The following GALNT16 variants were observed in gnomAD, a reference collection of about 807,000 sequenced individuals.
GALNT16 encodes polypeptide N-acetylgalactosaminyltransferase 16, also known as UDP-GalNAc:polypeptide N-acetylgalactosaminyltransferase-like protein 1.
Under a neutral mutation model 76.1 loss-of-function variants are expected in GALNT16, and 40 were observed. The ratio of observed to expected loss-of-function variants is 0.53; its 90% CI spans 0.41 to 0.68. GALNT16 has a LOEUF of 0.68. GALNT16 is among the 30% of genes least tolerant of loss of function. The pLI, the probability that GALNT16 is intolerant of heterozygous loss-of-function variation, is 0.00. For synonymous variants in GALNT16, 276 were observed against 285.2 expected (o/e 0.97, Z 0.32); for missense variants, 621 against 731.9 (o/e 0.85, Z 1.75).
At chr14:69,338,430 A>T (rs2045441072) in intron 9 of GALNT16, among the ~76,000 whole-genome samples, 1 of 152,056 alleles carries the variant, frequency 6.6e-6, no homozygotes, top group Non-Finnish European at 1.5e-5. Flanking sequence ...GGCCACGGGG[A>T]TCATGTGTAT....
chr14:69,362,061 A>G, the GALNT16 span, among the ~76,000 whole-genome samples: 2 of 152,206 alleles, frequency 1.3e-5, no homozygotes, highest in Admixed American at 6.5e-5. Flanking sequence ...AGCACAGGAC[A>G]TGGTAGATCC....
the GALNT16 span, among the ~76,000 whole-genome samples, chr14:69,386,110 T>C: frequency 6.6e-6 from 1 of 152,190 alleles, no homozygotes; most frequent in African/African-American, 2.4e-5. Flanking sequence ...CAAAGTGAAA[T>C]GGCTACAACC....
intron 1 of GALNT16, among the ~76,000 whole-genome samples, chr14:69,280,692 A>G (rs1286512905): frequency 6.6e-6 from 1 of 152,184 alleles, no homozygotes; most frequent in Admixed American, 6.5e-5. Flanking sequence ...TAGAAAGTAT[A>G]CAATGAACAT....
In GALNT16 at chr14:69,322,981, T is replaced by TGTGTGTGC. The variant is rs1196943800; in HGVS notation, c.336-1710_336-1709insTGTGTGCG. 2.4e-3 allele frequency among the ~76,000 whole-genome samples: 68 copies of TGTGTGTGC among 28,348 alleles called. 1 individual carries two copies. Among genetic ancestry groups the TGTGTGTGC allele is most frequent in the South Asian group, 7.7e-3 (5 of 652 alleles). 18.6% of individuals were successfully genotyped at this position (28,348 alleles called of 152,430 possible). Reference sequence around the variant, plus strand: ...GTGTGTGTGTGTGTGTGTGTGTGTGTGCGCGCGCACGCGCGCACGCATGCA... The same window carrying TGTGTGTGC: ...GTGTGTGTGTGTGTGTGTGTGTGTGTGTGTGTGCGCGCGCGCACGCGCGCACGCATGCA... On this transcript the variant is annotated intron_variant, in intron 2 of 14. Coordinates refer to ENST00000448469, the MANE Select transcript of GALNT16 (RefSeq NM_001168368.2).
the GALNT16 span, among the ~76,000 whole-genome samples, chr14:69,367,279 T>C: frequency 6.6e-6 from 1 of 152,048 alleles, no homozygotes; most frequent in Admixed American, 6.5e-5. Context: ...CGCAAACTCA[T>C]ATGTTGAAAC....
rs116624060 is a variant in GALNT16 at position 69,331,448 on chromosome 14, C to A, written c.691-16C>A. On this transcript the variant is annotated splice_polypyrimidine_tract_variant and intron_variant, in intron 6 of 14. Transcript: ENST00000448469. ...AGAAGTCCCAGGCCTCACACCATCTCACATCTCTCTCCTAGGACCACACCC... is the reference window on the plus strand; with the variant it reads ...AGAAGTCCCAGGCCTCACACCATCTAACATCTCTCTCCTAGGACCACACCC... 3,196 of 1,480,204 alleles carry A rather than the reference C, an allele frequency of 2.2e-3. 66 individuals are homozygous for A. In the African/African-American group the frequency reaches 0.04, roughly 19 times the overall value. 91.7% of individuals were successfully genotyped at this position (1,480,204 alleles called of 1,614,324 possible). A position where few individuals can be genotyped will look rare whatever the true frequency, so the allele number is the denominator to read the frequency against.
intron 1 of GALNT16, among the ~76,000 whole-genome samples, chr14:69,306,100 A>G (rs2044929139): frequency 6.6e-6 from 1 of 152,150 alleles, no homozygotes; most frequent in Non-Finnish European, 1.5e-5. Flanking sequence ...TGGGGTATCT[A>G]TTCTGTTCCA....
the GALNT16 span, among the ~76,000 whole-genome samples, chr14:69,373,316 T>A: frequency 6.6e-6 from 1 of 152,212 alleles, no homozygotes; most frequent in African/African-American, 2.4e-5. Flanking sequence ...ATCTATCCCA[T>A]TTCTCTTAAA....
chr14:69,378,398 G>A, the GALNT16 span, among the ~76,000 whole-genome samples: 9 of 152,142 alleles, frequency 5.9e-5, no homozygotes, highest in East Asian at 1.9e-4. Flanking sequence ...CTTAATAAGC[G>A]GAAATCAAAC....
At chr14:69,262,573 G>C (rs1468176789) in intron 1 of GALNT16, among the ~76,000 whole-genome samples, 4 of 152,198 alleles carry the variant, frequency 2.6e-5, no homozygotes, top group Non-Finnish European at 5.9e-5. Flanking sequence ...AGATACCTGG[G>C]AGCTGGGAAG....
chr14:69,382,710 G>A, the GALNT16 span, among the ~76,000 whole-genome samples: 9 of 149,686 alleles, frequency 6.0e-5, no homozygotes, highest in Admixed American at 2.0e-4. Flanking sequence ...GTGGTGGCGC[G>A]CACCTGTAGT....
intron 1 of GALNT16, among the ~76,000 whole-genome samples, chr14:69,289,873 A>G (rs1052843651): frequency 6.6e-6 from 1 of 151,988 alleles, no homozygotes; most frequent in Non-Finnish European, 1.5e-5. Flanking sequence ...AGCTGGGACT[A>G]CAGGTGCCCG....
At chr14:69,371,999 C>T in the GALNT16 span, among the ~76,000 whole-genome samples, 1 of 152,098 alleles carries the variant, frequency 6.6e-6, no homozygotes, top group Non-Finnish European at 1.5e-5. Context: ...CCTGGCTCTA[C>T]ACTTACCCGA....
At chr14:69,383,996 T>A in the GALNT16 span, among the ~76,000 whole-genome samples, 4 of 152,104 alleles carry the variant, frequency 2.6e-5, no homozygotes, top group South Asian at 2.1e-4. Flanking sequence ...ATTTTTTTTT[T>A]ATAAAGTCTA....
At chr14:69,327,113 G>C (rs909406728) in intron 5 of GALNT16, among the ~76,000 whole-genome samples, 1 of 152,210 alleles carries the variant, frequency 6.6e-6, no homozygotes, top group Admixed American at 6.5e-5. Context: ...CACTTTGGGA[G>C]GCTGAGGCGG....
At chr14:69,372,905 T>C in the GALNT16 span, among the ~76,000 whole-genome samples, 2 of 152,222 alleles carry the variant, frequency 1.3e-5, no homozygotes, top group East Asian at 1.9e-4. Context: ...TCTGTCATTA[T>C]ACCTGCAACC....
chr14:69,295,427 A>AAG (rs1196153138), intron 1 of GALNT16, among the ~76,000 whole-genome samples: 3 of 150,696 alleles, frequency 2.0e-5, no homozygotes, highest in Admixed American at 2.0e-4. Context: ...AAAAAAAAAA[A>AAG]AAAAAAATTA....
chr14:69,324,497 ATGGGTGGCATCGGGGTTCTGGGCCAGTG>A (rs1566880466), intron 2 of GALNT16, among the ~76,000 whole-genome samples, 167 bp from the exon 3 acceptor site: 1 of 152,102 alleles, frequency 6.6e-6, no homozygotes, highest in East Asian at 1.9e-4. Context: ...GGACCCCAGG[ATGGGTGGCATCGGGGTTCTGGGCCAGTG>A]TGGGATGCAG....
chr14:69,289,900 A>AT (rs983336278), intron 1 of GALNT16, among the ~76,000 whole-genome samples: 12 of 151,176 alleles, frequency 7.9e-5, no homozygotes, highest in South Asian at 6.3e-4. Flanking sequence ...GGCCCAGCTA[A>AT]TTTTTTTTTG....
Sources: allele counts gnomAD v4.1 joint callset (sites outside exome capture counted in the v4.1 genomes callset), GRCh38; gene constraint gnomAD v4.1.1; transcripts MANE v1.5; gene names NCBI Gene and HGNC (gene_info 2026-07-23, HGNC 2026-07-21).